The following CEP85L variants were observed in gnomAD, a reference collection of about 807,000 sequenced individuals.
The protein encoded by CEP85L is centrosomal protein of 85 kDa-like.
In CEP85L, 60 loss-of-function variants were observed where a neutral mutation model predicts 100.3. That is an observed-to-expected ratio of 0.60 (90% CI 0.49 to 0.74). The LOEUF is 0.74. Among genes scored for constraint, CEP85L ranks in the 30% least tolerant of loss-of-function variants. The probability of loss-of-function intolerance (pLI) is 0.00; values close to 1 mark genes in which losing one functional copy is unlikely to be tolerated. For synonymous variants in CEP85L, 319 were observed against 322.7 expected (o/e 0.99, Z 0.12); for missense variants, 973 against 936.2 (o/e 1.04, Z -0.51).
At chr6:118,599,690 G>A (rs1270984540) in intron 2 of CEP85L, among the ~76,000 whole-genome samples, 1 of 151,660 alleles carries the variant, frequency 6.6e-6, no homozygotes, top group African/African-American at 2.4e-5. Flanking sequence ...AGCGACCAAG[G>A]TAAATATCAC....
intron 3 of CEP85L, chr6:118,560,239 C>T (rs1779143730): frequency 6.0e-6 from 1 of 166,984 alleles, no homozygotes; most frequent in Non-Finnish European, 1.5e-5. Flanking sequence ...ATCTTAACTA[C>T]CTAATAGCCT....
At chr6:118,495,772 TTTCAGCC>T (rs985698247) in intron 5 of CEP85L, among the ~76,000 whole-genome samples, 2 of 152,180 alleles carry the variant, frequency 1.3e-5, no homozygotes, top group Non-Finnish European at 2.9e-5. Flanking sequence ...ATCTTTCATC[TTTCAGCC>T]ATCACAACAA....
intron 2 of CEP85L, among the ~76,000 whole-genome samples, chr6:118,629,113 G>T (rs750667778): frequency 6.6e-6 from 1 of 152,162 alleles, no homozygotes; most frequent in Non-Finnish European, 1.5e-5. Flanking sequence ...ATTACGTATT[G>T]TAAGGAATCT....
At chr6:118,492,913 C>T (rs189516961) in intron 5 of CEP85L, among the ~76,000 whole-genome samples, 2 of 152,234 alleles carry the variant, frequency 1.3e-5, no homozygotes, top group Non-Finnish European at 1.5e-5. Flanking sequence ...AAGCATGCAA[C>T]TCAACCATTA....
At position 118,491,772 on chromosome 6, in the gene CEP85L, T is replaced by C; in HGVS notation, c.1351A>G (p.Thr451Ala). The C allele has an allele frequency of 6.2e-7, 1 of 1,613,162 alleles. No homozygotes were observed. Among genetic ancestry groups the C allele is most frequent in the South Asian group, 1.1e-5 (1 of 90,932 alleles). ...QGEFEQKLAS[T>A]EKEVLQLNEF... ...TTAAGCTGTAAAACTTCTTTCTCAG[T>C]AGATGCAAGCTTTTGCTCAAATTCC... The change falls in exon 6 of 13, where the codon ACT becomes GCT. Residue 451 changes from threonine to alanine, a missense_variant. By Grantham distance (58) the Thr-to-Ala change is moderately conservative (BLOSUM62 0). Coordinates refer to ENST00000368491, the MANE Select transcript of CEP85L (RefSeq NM_001042475.3).
At chr6:118,629,546 G>A (rs2115310717) in intron 2 of CEP85L, among the ~76,000 whole-genome samples, 1 of 152,272 alleles carries the variant, frequency 6.6e-6, no homozygotes, top group African/African-American at 2.4e-5. Context: ...AGTAGGATGT[G>A]GAGCAACAGA....
At chr6:118,650,408 T>C (rs1562339351) in intron 1 of CEP85L, among the ~76,000 whole-genome samples, 1 of 152,210 alleles carries the variant, frequency 6.6e-6, no homozygotes, top group Admixed American at 6.5e-5. Flanking sequence ...ACACAACTTC[T>C]GAGCGACGCA....
chr6:118,703,524 G>T (rs1410252916), intron 1 of CEP85L, among the ~76,000 whole-genome samples: 1 of 152,128 alleles, frequency 6.6e-6, no homozygotes, highest in African/African-American at 2.4e-5. Flanking sequence ...TTTCAAAGAG[G>T]AATAACTTAA....
At chr6:118,491,194 TATACAC>T (rs1178471855) in intron 6 of CEP85L, among the ~76,000 whole-genome samples, 2,357 of 81,242 alleles carry the variant, frequency 0.029, 29 homozygotes, top group East Asian at 0.05. Flanking sequence ...TACCAACATC[TATACAC>T]ACACACACAC....
intron 3 of CEP85L, among the ~76,000 whole-genome samples, chr6:118,530,729 A>G (rs75902088): frequency 0.027 from 4,114 of 152,240 alleles, 191 homozygotes; most frequent in African/African-American, 0.093. Context: ...ACAACTTCCA[A>G]TTAAAGAACA....
intron 2 of CEP85L, among the ~76,000 whole-genome samples, chr6:118,619,785 G>A (rs1304588850): frequency 6.6e-6 from 1 of 152,200 alleles, no homozygotes; most frequent in Admixed American, 6.5e-5. Context: ...ATCTAGCATG[G>A]AGGGGCATCA....
Position 118,519,428 on chromosome 6 carries a change from AAC to A in CEP85L, c.1139+4372_1139+4373del, listed in dbSNP as rs1175470657. ...CACTCCAGTCTGGGTGACAGAGCAA[AAC>A]TCTGTGTGTGTGTGTGTGTGTGTGT... On this transcript the variant is annotated intron_variant, in intron 4 of 12. Transcript: ENST00000368491. 2.2e-3 allele frequency among the ~76,000 whole-genome samples: 233 copies of A among 108,358 alleles called. 1 individual carries two copies. Among genetic ancestry groups the A allele is most frequent in the African/African-American group, 8.5e-3 (230 of 26,930 alleles). 71.1% of individuals were successfully genotyped at this position (108,358 alleles called of 152,430 possible).
At chr6:118,580,687 C>G (rs1023195293) in intron 2 of CEP85L, among the ~76,000 whole-genome samples, 1 of 152,158 alleles carries the variant, frequency 6.6e-6, no homozygotes, top group Non-Finnish European at 1.5e-5. Context: ...CAGGGCACAC[C>G]CTGGTGTGAC....
chr6:118,478,401 T>C (rs756395130), intron 10 of CEP85L, among the ~76,000 whole-genome samples: 3 of 152,124 alleles, frequency 2.0e-5, no homozygotes, highest in Non-Finnish European at 4.4e-5. Context: ...TCAAATACCA[T>C]CTTCACAAAT....
chr6:118,553,336 T>C (rs550756779), intron 3 of CEP85L, among the ~76,000 whole-genome samples: 4 of 151,658 alleles, frequency 2.6e-5, no homozygotes, highest in African/African-American at 7.2e-5. Context: ...ACTCCAAAAA[T>C]AGGATTCTGC....
At chr6:118,588,343 T>C (rs1002368301) in intron 2 of CEP85L, among the ~76,000 whole-genome samples, 1 of 152,136 alleles carries the variant, frequency 6.6e-6, no homozygotes, top group South Asian at 2.1e-4. Flanking sequence ...GCAATGAGGA[T>C]GGAAGGCAAC....
chr6:118,666,113 G>C (rs943456640), intron 1 of CEP85L, among the ~76,000 whole-genome samples: 2 of 152,202 alleles, frequency 1.3e-5, no homozygotes, highest in African/African-American at 2.4e-5. Flanking sequence ...TCCCCAAATA[G>C]AGCCCCAGAT....
chr6:118,600,800 T>TA lies in CEP85L; in HGVS notation c.232+31652_232+31653insT, dbSNP rs1383031990. Among the ~76,000 whole-genome samples, 304 of 101,422 alleles carry TA rather than the reference T, an allele frequency of 3.0e-3. 1 individual carries two copies. The highest frequency in any genetic ancestry group is 0.01 in the African/African-American group (287 of 27,384). 66.5% of individuals were successfully genotyped at this position (101,422 alleles called of 152,430 possible). On this transcript the variant is annotated intron_variant, in intron 2 of 12. Transcript: ENST00000368491. ...CCCTGCCTTCAGAGGGTTGTCTTTT[T>TA]TAAAAAAAAAAAAAATCTTGAGTTT...
chr6:118,591,562 T>C (rs1781192293), intron 2 of CEP85L, among the ~76,000 whole-genome samples: 1 of 152,160 alleles, frequency 6.6e-6, no homozygotes, highest in Non-Finnish European at 1.5e-5. Context: ...TTGGTCACTT[T>C]CTGCAACCAA....
Sources: gnomAD v4.1 joint callset for allele counts (sites outside exome capture counted in the v4.1 genomes callset) on GRCh38, gnomAD v4.1.1 for gene constraint, MANE v1.5 for transcripts, NCBI Gene and HGNC (gene_info 2026-07-23, HGNC 2026-07-21) for gene names.